The following TP63 variants were observed in gnomAD, a reference collection of about 807,000 sequenced individuals.
TP63 encodes tumor protein p63.
In TP63, 17 loss-of-function variants were observed where a neutral mutation model predicts 82.8. The observed-to-expected ratio is 0.21, with a 90% CI of 0.14 to 0.31. The LOEUF (loss-of-function observed/expected upper bound fraction) is 0.31. TP63 is among the 10% of genes least tolerant of loss of function. TP63 has a pLI of 1.00. For missense variants in TP63, 648 were observed against 895.3 expected, an observed-to-expected ratio of 0.72 and a Z score of 3.52; for synonymous variants, 330 against 321.7, an observed-to-expected ratio of 1.03 and a Z score of -0.28.
chr3:189,862,529 C>G (rs1043866512), intron 4 of TP63, among the ~76,000 whole-genome samples: 7 of 152,140 alleles, frequency 4.6e-5, no homozygotes, highest in Non-Finnish European at 8.8e-5. Context: ...TCTTTACATA[C>G]TTGGAAGGAT....
intron 3 of TP63, among the ~76,000 whole-genome samples, chr3:189,765,433 CTTTTTT>C (rs576530590): frequency 0.057 from 1,721 of 30,122 alleles, 200 homozygotes; most frequent in Admixed American, 0.27. Flanking sequence ...CTGTCCTCTG[CTTTTTT>C]TTTTTTTTTT....
chr3:189,719,458 G>A (rs1403166782), intron 1 of TP63, among the ~76,000 whole-genome samples: 1 of 152,032 alleles, frequency 6.6e-6, no homozygotes, highest in Non-Finnish European at 1.5e-5. Context: ...GATTTCTTTT[G>A]TAAAGTTCTA....
chr3:189,656,180 T>C (rs950194438), intron 1 of TP63, among the ~76,000 whole-genome samples: 10 of 152,294 alleles, frequency 6.6e-5, no homozygotes, highest in African/African-American at 2.4e-4. Context: ...TTAAAGTGTA[T>C]AGCAGGGTGA....
At chr3:189,609,535 C>A in the TP63 span, among the ~76,000 whole-genome samples, 1 of 152,070 alleles carries the variant, frequency 6.6e-6, no homozygotes, top group Admixed American at 6.6e-5. Context: ...CTTCCTCCGA[C>A]CCTCCCCCTT....
At chr3:189,791,464 T>A (rs1215694157) in intron 3 of TP63, among the ~76,000 whole-genome samples, 8 of 152,122 alleles carry the variant, frequency 5.3e-5, no homozygotes, top group Admixed American at 5.2e-4. Context: ...TCATATTGTA[T>A]GTGAGAATAT....
At chr3:189,850,394 T>C (rs964526732) in intron 4 of TP63, among the ~76,000 whole-genome samples, 1 of 152,188 alleles carries the variant, frequency 6.6e-6, no homozygotes, top group Non-Finnish European at 1.5e-5. Flanking sequence ...TTTTTCCATA[T>C]TGCTTCAAAT....
intron 1 of TP63, among the ~76,000 whole-genome samples, chr3:189,718,519 A>G (rs1011250813): frequency 6.7e-6 from 1 of 149,976 alleles, no homozygotes; most frequent in Non-Finnish European, 1.5e-5. Flanking sequence ...GCATGGGGGA[A>G]ACTGTCACCG....
chr3:189,683,557 G>C (rs903311942), intron 1 of TP63, among the ~76,000 whole-genome samples: 3 of 152,162 alleles, frequency 2.0e-5, no homozygotes, highest in Non-Finnish European at 4.4e-5. Context: ...CAGGAAAAAT[G>C]CCACTTCTAA....
the TP63 span, among the ~76,000 whole-genome samples, chr3:189,606,537 A>G: frequency 6.5e-5 from 8 of 123,846 alleles, no homozygotes; most frequent in Admixed American, 3.1e-4. Context: ...TTTTTGAGAC[A>G]GAGTCTTGCT....
chr3:189,732,532 C>T (rs920078030), intron 1 of TP63, among the ~76,000 whole-genome samples: 4 of 152,300 alleles, frequency 2.6e-5, no homozygotes, highest in East Asian at 3.9e-4. Context: ...TGGATGCAAA[C>T]GATGTAGCGC....
At chr3:189,771,830 CATTT>C (rs1195094681) in intron 3 of TP63, among the ~76,000 whole-genome samples, 1 of 152,098 alleles carries the variant, frequency 6.6e-6, no homozygotes, top group Non-Finnish European at 1.5e-5. Flanking sequence ...TTGATTGATT[CATTT>C]ATTCTTAAAA....
rs533383304 is a variant in TP63, at chr3:189,711,039, G to T, written c.63-26701G>T. On this transcript the variant is annotated intron_variant, in intron 1 of 13. Transcript: ENST00000264731. ...TATAATGCCTCTCTGTTCTCTTGGA[G>T]AGTTGGGAATAGTATATAGACACAT... Among the ~76,000 whole-genome samples the T allele has an allele frequency of 4.6e-5, 7 of 152,288 alleles. No individual in the cohort carries two copies. The South Asian group carries it at 1.4e-3, about 32-fold the overall frequency.
chr3:189,792,214 GGGA>G (rs1284965894), intron 3 of TP63, among the ~76,000 whole-genome samples: 2 of 152,106 alleles, frequency 1.3e-5, no homozygotes, highest in East Asian at 3.9e-4. Context: ...TGGTCCGGAA[GGGA>G]GGAGAACACA....
chr3:189,611,125 T>G, the TP63 span, among the ~76,000 whole-genome samples: 6 of 152,240 alleles, frequency 3.9e-5, no homozygotes, highest in African/African-American at 1.4e-4. Flanking sequence ...TTTCTTTTGC[T>G]GTGCCAAAGC....
At chr3:189,715,149 A>G (rs1459866815) in intron 1 of TP63, among the ~76,000 whole-genome samples, 3 of 151,776 alleles carry the variant, frequency 2.0e-5, no homozygotes, top group Non-Finnish European at 4.4e-5. Flanking sequence ...TCTCTTTATC[A>G]TAGGCTGAAT....
intron 4 of TP63, among the ~76,000 whole-genome samples, chr3:189,844,635 A>T (rs2108750381): frequency 6.6e-6 from 1 of 152,306 alleles, no homozygotes; most frequent in East Asian, 1.9e-4. Flanking sequence ...TCGATATGAA[A>T]TTTAAAATGT....
intron 1 of TP63, among the ~76,000 whole-genome samples, chr3:189,706,378 TC>T (rs1301089383): frequency 6.6e-6 from 1 of 152,106 alleles, no homozygotes; most frequent in African/African-American, 2.4e-5. Context: ...TGCCTCAGCC[TC>T]CCAAGTAGTG....
At chr3:189,765,665 C>T (rs1722906890) in intron 3 of TP63, among the ~76,000 whole-genome samples, 1 of 151,652 alleles carries the variant, frequency 6.6e-6, no homozygotes, top group Non-Finnish European at 1.5e-5. Context: ...GATCTCCTGA[C>T]CTCATGATCC....
At chr3:189,674,483 T>C (rs918612653) in intron 1 of TP63, among the ~76,000 whole-genome samples, 2 of 152,096 alleles carry the variant, frequency 1.3e-5, no homozygotes, top group African/African-American at 4.8e-5. Flanking sequence ...AGCGTCAATA[T>C]AGAATGATTT....
Sources: gnomAD v4.1 joint callset for allele counts (sites outside exome capture counted in the v4.1 genomes callset) on GRCh38, gnomAD v4.1.1 for gene constraint, MANE v1.5 for transcripts, NCBI Gene and HGNC (gene_info 2026-07-23, HGNC 2026-07-21) for gene names.